Variants in DIS3L2 observed in about 807,000 individuals in gnomAD.
DIS3L2 encodes DIS3 like 3'-5' exoribonuclease 2, also known as DIS3-like exonuclease 2.
In DIS3L2, 34 loss-of-function variants were observed where a neutral mutation model predicts 97.5. The ratio of observed to expected loss-of-function variants is 0.35; its 90% CI spans 0.27 to 0.46. The LOEUF (loss-of-function observed/expected upper bound fraction) is 0.46, where lower values mean the gene tolerates loss of function less well. Among genes scored for constraint, DIS3L2 ranks in the 20% least tolerant of loss-of-function variants. The probability of loss-of-function intolerance (pLI) is 1.00; values close to 1 mark genes in which losing one functional copy is unlikely to be tolerated. For missense variants in DIS3L2, 1,038 were observed against 1,146.0 expected, an observed-to-expected ratio of 0.91 and a Z score of 1.36; for synonymous variants, 435 against 445.2, an observed-to-expected ratio of 0.98 and a Z score of 0.29.
intron 1 of DIS3L2, among the ~76,000 whole-genome samples, chr2:231,978,980 G>A (rs541656675): frequency 5.3e-5 from 8 of 152,192 alleles, no homozygotes; most frequent in Admixed American, 3.3e-4. Context: ...TACATATTCT[G>A]TATATTAATC....
At position 232,251,977 on chromosome 2, in the gene DIS3L2, C is replaced by T. The variant is rs540413056; in HGVS notation, c.1425+2631C>T. Among the ~76,000 whole-genome samples the T allele has an allele frequency of 8.9e-5, 12 of 135,162 alleles. No individual in the cohort carries two copies. The East Asian group carries it at 1.4e-3, about 15-fold the overall frequency. The allele number at this position is 135,162 out of a possible 152,430, so 88.7% of individuals were successfully genotyped here. ...AATGAAGAAAGAGGAAGACATGGGA[C>T]GCAGGAAGCAGATAATCCAATACAG... On this transcript the variant is annotated intron_variant, in intron 12 of 20. Coordinates refer to ENST00000325385, the MANE Select transcript of DIS3L2 (RefSeq NM_152383.5).
intron 6 of DIS3L2, among the ~76,000 whole-genome samples, chr2:232,103,817 C>T (rs1697277841): frequency 6.6e-6 from 1 of 152,144 alleles, no homozygotes; most frequent in Non-Finnish European, 1.5e-5. Context: ...GCAACTTTCT[C>T]AATCTCCGGT....
rs563628640 is a variant in DIS3L2, at chr2:232,232,449, T to C, written c.1205-6084T>C. ...TTTCTTAGAAGAAGCCATGGTGGTC[T>C]TGGCCAAGGTGACAGTGGTGGGAAG... is the stretch of plus-strand genomic sequence containing the variant. On this transcript the variant is annotated intron_variant, in intron 10 of 20. Transcript: ENST00000325385. Among the ~76,000 whole-genome samples, 41 of 152,316 alleles carry C rather than the reference T, an allele frequency of 2.7e-4. 1 individual carries two copies. The highest frequency in any genetic ancestry group is 8.7e-4 in the African/African-American group (36 of 41,572).
chr2:232,301,654 C>G (rs1694858395), intron 14 of DIS3L2, among the ~76,000 whole-genome samples: 1 of 152,074 alleles, frequency 6.6e-6, no homozygotes, highest in African/African-American at 2.4e-5. Context: ...AAGGATTGAC[C>G]AGACATCCTT....
chr2:232,073,538 A>G (rs568364891), intron 5 of DIS3L2, among the ~76,000 whole-genome samples: 1 of 152,360 alleles, frequency 6.6e-6, no homozygotes, highest in East Asian at 1.9e-4. Flanking sequence ...GCTAATATGG[A>G]CTTGCTCTTT....
chr2:232,220,890 G>A (rs1692485104), intron 10 of DIS3L2, among the ~76,000 whole-genome samples: 1 of 151,822 alleles, frequency 6.6e-6, no homozygotes, highest in African/African-American at 2.4e-5. Context: ...ATCACCTGAT[G>A]TCAGGAGTTG....
intron 1 of DIS3L2, among the ~76,000 whole-genome samples, chr2:232,011,140 T>C (rs570116540): frequency 6.6e-6 from 1 of 152,290 alleles, no homozygotes; most frequent in East Asian, 1.9e-4. Context: ...CTCTTAAGAA[T>C]GTATAACTAT....
At chr2:231,972,371 G>C (rs1388591361) in intron 1 of DIS3L2, among the ~76,000 whole-genome samples, 7 of 152,034 alleles carry the variant, frequency 4.6e-5, no homozygotes, top group Non-Finnish European at 2.9e-5. Flanking sequence ...GTTTACACCA[G>C]CATCAACACA....
chr2:231,985,646 C>A (rs1289541714), intron 1 of DIS3L2, among the ~76,000 whole-genome samples: 1 of 152,196 alleles, frequency 6.6e-6, no homozygotes, highest in Non-Finnish European at 1.5e-5. Flanking sequence ...TATTTCCTTC[C>A]TTTCTCTCTC....
intron 8 of DIS3L2, among the ~76,000 whole-genome samples, chr2:232,144,202 T>G (rs1690152698): frequency 6.6e-6 from 1 of 152,092 alleles, no homozygotes; most frequent in Non-Finnish European, 1.5e-5. Flanking sequence ...CATACATAGG[T>G]ACATGTTTAA....
intron 6 of DIS3L2, among the ~76,000 whole-genome samples, chr2:232,106,570 T>C (rs995993796): frequency 6.6e-6 from 1 of 152,164 alleles, no homozygotes; most frequent in Admixed American, 6.5e-5. Context: ...CCTAAATATA[T>C]ATGCACCCAA....
At chr2:232,255,404 T>G (rs1428850333) in intron 12 of DIS3L2, among the ~76,000 whole-genome samples, 1 of 152,210 alleles carries the variant, frequency 6.6e-6, no homozygotes, top group East Asian at 1.9e-4. Flanking sequence ...GTATTTTTCC[T>G]TAGTCTATTG....
chr2:232,254,800 C>G (rs2106270707), intron 12 of DIS3L2, among the ~76,000 whole-genome samples: 1 of 152,292 alleles, frequency 6.6e-6, no homozygotes, highest in Middle Eastern at 3.4e-3. Flanking sequence ...GACTAGAGAG[C>G]AGGTGTGAAG....
At chr2:232,305,318 T>A (rs988289974) in intron 14 of DIS3L2, among the ~76,000 whole-genome samples, 18 of 152,146 alleles carry the variant, frequency 1.2e-4, no homozygotes. Context: ...CCTCAGGTGA[T>A]CTGCCCAACT....
chr2:232,064,386 G>A (rs1443540017), intron 5 of DIS3L2, among the ~76,000 whole-genome samples: 10 of 152,110 alleles, frequency 6.6e-5, no homozygotes, highest in African/African-American at 1.9e-4. Flanking sequence ...CACTGTTGCC[G>A]ACTAGTATTC....
At chr2:232,290,250 A>G (rs1264076988) in intron 13 of DIS3L2, among the ~76,000 whole-genome samples, 1 of 152,232 alleles carries the variant, frequency 6.6e-6, no homozygotes, top group African/African-American at 2.4e-5. Context: ...CTTGCTCATC[A>G]TGCTTTGTAT....
At chr2:232,181,986 A>T (rs891728813) in intron 9 of DIS3L2, among the ~76,000 whole-genome samples, 1 of 151,830 alleles carries the variant, frequency 6.6e-6, no homozygotes, top group Admixed American at 6.6e-5. Flanking sequence ...TGTAGAAGTG[A>T]GGTTTCATCA....
chr2:232,079,599 CAAA>C (rs760870721), intron 5 of DIS3L2, among the ~76,000 whole-genome samples: 4 of 29,626 alleles, frequency 1.4e-4, no homozygotes, highest in Admixed American at 4.9e-4. Context: ...GACTCTATCT[CAAA>C]AAAAAAAAAA....
At chr2:232,197,014 C>T (rs531330634) in intron 9 of DIS3L2, among the ~76,000 whole-genome samples, 10 of 152,082 alleles carry the variant, frequency 6.6e-5, no homozygotes, top group Non-Finnish European at 1.5e-4. Flanking sequence ...TCACCACTTG[C>T]ATTTGCATTT....
Sources: gnomAD v4.1 joint callset for allele counts (sites outside exome capture counted in the v4.1 genomes callset) on GRCh38, gnomAD v4.1.1 for gene constraint, MANE v1.5 for transcripts, NCBI Gene and HGNC (gene_info 2026-07-23, HGNC 2026-07-21) for gene names.